RBM4: variants seen among roughly 807,000 people sequenced by gnomAD.
The protein encoded by RBM4 is RNA binding motif protein 4.
A neutral mutation model predicts 29.5 loss-of-function variants in RBM4; 7 were observed. That is an observed-to-expected ratio of 0.24 (90% CI 0.14 to 0.45). The LOEUF (loss-of-function observed/expected upper bound fraction) is 0.45. Among genes scored for constraint, RBM4 ranks in the 20% least tolerant of loss-of-function variants. The probability of loss-of-function intolerance (pLI) is 1.00; values close to 1 mark genes in which losing one functional copy is unlikely to be tolerated. For synonymous variants in RBM4, 220 were observed against 205.4 expected, an observed-to-expected ratio of 1.07 and a Z score of -0.61; for missense variants, 387 against 502.3, an observed-to-expected ratio of 0.77 and a Z score of 2.19.
intron 2 of RBM4, among the ~76,000 whole-genome samples, chr11:66,660,573 C>T (rs1181826624): frequency 6.6e-6 from 1 of 151,730 alleles, no homozygotes; most frequent in African/African-American, 2.4e-5. Flanking sequence ...AACTCCAGAC[C>T]TCAGGTGATC....
intron 2 of RBM4, among the ~76,000 whole-genome samples, chr11:66,642,494 A>G (rs1938510520): frequency 6.6e-6 from 1 of 152,230 alleles, no homozygotes; most frequent in Non-Finnish European, 1.5e-5. Context: ...CAGAAGTAAT[A>G]CTTTTCATTT....
At chr11:66,654,955 G>C (rs1176300898) in intron 2 of RBM4, among the ~76,000 whole-genome samples, 3 of 151,956 alleles carry the variant, frequency 2.0e-5, no homozygotes, top group African/African-American at 4.8e-5. Flanking sequence ...CTCCTGAGTA[G>C]CTAGGATTAC....
At chr11:66,664,586 G>C (rs1451916951) in intron 2 of RBM4, among the ~76,000 whole-genome samples, 1 of 151,914 alleles carries the variant, frequency 6.6e-6, no homozygotes, top group Non-Finnish European at 1.5e-5. Flanking sequence ...TCAGCCTCCT[G>C]AGTAGCTGGG....
chr11:66,644,389 A>G lies in RBM4; in HGVS notation c.*8+249A>G. ...ATTTGATTCTATTTGTGCCTAGAAA[A>G]ATAAAGAATGATGTGCTGGTGAATC... On this transcript the variant is annotated intron_variant, in intron 3 of 3. Coordinates refer to ENST00000310092, the MANE Select transcript of RBM4 (RefSeq NM_002896.4). 10 of 520,584 alleles carry G rather than the reference A, an allele frequency of 1.9e-5. No individual in the cohort carries two copies. The South Asian group carries it at 2.5e-4, about 13-fold the overall frequency. 32.2% of individuals were successfully genotyped at this position (520,584 alleles called of 1,614,324 possible). A position where few individuals can be genotyped will look rare whatever the true frequency, so the allele number is the denominator to read the frequency against.
intron 3 of RBM4, 95 bp from the exon 4 acceptor site, chr11:66,645,932 G>A (rs1193316875): frequency 6.5e-7 from 1 of 1,530,492 alleles, no homozygotes; most frequent in Admixed American, 2.0e-5. Flanking sequence ...TAAAAGGAGT[G>A]TCAAGTTATC....
chr11:66,648,324 C>T (rs1002835006), downstream of RBM4, among the ~76,000 whole-genome samples: 4 of 151,976 alleles, frequency 2.6e-5, no homozygotes, highest in Admixed American at 6.6e-5. Flanking sequence ...AGTTCAAGAC[C>T]AGCCTGGGCA....
At chr11:66,650,724 G>T (rs1021519346), downstream of RBM4, among the ~76,000 whole-genome samples, 15 of 143,658 alleles carry the variant, frequency 1.0e-4, no homozygotes, top group African/African-American at 3.6e-4. Flanking sequence ...TTAGCCGGGC[G>T]TGGTGGTGGG....
At chr11:66,647,864 A>G (rs550712094), downstream of RBM4, among the ~76,000 whole-genome samples, 2 of 152,328 alleles carry the variant, frequency 1.3e-5, no homozygotes, top group African/African-American at 4.8e-5. Context: ...CAGAAGTGAC[A>G]TGATAAACAT....
chr11:66,656,404 T>G (rs992405164), intron 2 of RBM4, among the ~76,000 whole-genome samples: 6 of 152,142 alleles, frequency 3.9e-5, no homozygotes, highest in African/African-American at 1.4e-4. Flanking sequence ...CCTCCCAAAG[T>G]GCTGGGATTA....
At chr11:66,639,644 TG>T in intron 1 of RBM4, 55 bp from the exon 2 acceptor site, 1 of 1,568,304 alleles carries the variant, frequency 6.4e-7, no homozygotes, top group Non-Finnish European at 8.7e-7. Flanking sequence ...CGTTGTCTTT[TG>T]TGAACGGATG....
At chr11:66,666,534 G>A (rs759719301) in exon 3 of RBM4, 9 of 761,362 alleles carry the variant, frequency 1.2e-5, no homozygotes, top group Non-Finnish European at 1.4e-5. Flanking sequence ...CTAAAAAGAG[G>A]TTAGTTGAAC....
Position 66,646,343 on chromosome 11 carries a change from G to A in RBM4, c.*325G>A. On this transcript the variant is annotated 3_prime_UTR_variant, in exon 4 of 4. Coordinates refer to ENST00000310092, the MANE Select transcript of RBM4 (RefSeq NM_002896.4). ...TCCCTGCCTCCTGCCTCCTGCGGCT[G>A]TTGGATTTGGGAATGACCTTGGTGA... 1 of 1,259,248 alleles carries A rather than the reference G, an allele frequency of 7.9e-7. No individual in the cohort carries two copies. The highest frequency in any genetic ancestry group is 1.0e-6 in the Non-Finnish European group (1 of 995,648). The allele number at this position is 1,259,248 out of a possible 1,614,324, so 78.0% of individuals were successfully genotyped here.
At chr11:66,658,337 CTTTTTTTT>C (rs35133059) in intron 2 of RBM4, among the ~76,000 whole-genome samples, 3 of 50,458 alleles carry the variant, frequency 5.9e-5, no homozygotes, top group Admixed American at 3.9e-4. Context: ...CTAGTCTGAC[CTTTTTTTT>C]TTTTTTTTTT....
chr11:66,654,722 T>C lies in RBM4; in HGVS notation c.413-11134T>C, dbSNP rs1312510751. ...TTTTAGAGGCAAGGTTTTCCCATTT[T>C]GCCCAGCCTAGTCTTGAACTCCTGC... is the stretch of plus-strand genomic sequence containing the variant. On this transcript the variant is annotated intron_variant, in intron 2 of 2. Coordinates refer to the RBM4 transcript ENST00000396053. Among the ~76,000 whole-genome samples, 7 of 150,700 alleles carry C rather than the reference T, an allele frequency of 4.6e-5. No individual in the cohort carries two copies. In the Admixed American group the frequency reaches 4.6e-4, roughly 10 times the overall value.
At chr11:66,650,882 T>TA (rs938246943), downstream of RBM4, among the ~76,000 whole-genome samples, 2 of 151,610 alleles carry the variant, frequency 1.3e-5, no homozygotes. Flanking sequence ...AAAATAATAA[T>TA]AATAAATTTA....
At chr11:66,644,713 C>T in intron 3 of RBM4, 3 of 975,836 alleles carry the variant, frequency 3.1e-6, no homozygotes, top group Non-Finnish European at 3.7e-6. Flanking sequence ...AACCGTTCAA[C>T]CCTTATGAGT....
intron 1 of RBM4, chr11:66,639,006 G>A (rs968415448): frequency 6.6e-6 from 1 of 151,998 alleles, no homozygotes; most frequent in South Asian, 2.1e-4. Context: ...ATTTCCACTG[G>A]GATAACCCCC....
At chr11:66,660,326 CT>C (rs201122159) in intron 2 of RBM4, among the ~76,000 whole-genome samples, 3 of 130,476 alleles carry the variant, frequency 2.3e-5, no homozygotes, top group African/African-American at 5.6e-5. Context: ...ATCACAATTT[CT>C]TTTTTTTTGA....
rs35133059 is a variant in RBM4, at chr11:66,658,337, CTTTTTTTTTTT to C, written c.413-7504_413-7494del. Among the ~76,000 whole-genome samples, 6 of 50,464 alleles carry C rather than the reference CTTTTTTTTTTT, an allele frequency of 1.2e-4. No individual in the cohort carries two copies. In the East Asian group the frequency reaches 2.8e-3, roughly 23 times the overall value. The allele number at this position is 50,464 out of a possible 152,430, so 33.1% of individuals were successfully genotyped here. On this transcript the variant is annotated intron_variant, in intron 2 of 2. Coordinates refer to the RBM4 transcript ENST00000396053. Reference sequence around the variant, plus strand: ...GCCACTGTGCCTGGCCTAGTCTGACCTTTTTTTTTTTTTTTTTTTTTTTTTCGTTTTGTTTT... The same window carrying C: ...GCCACTGTGCCTGGCCTAGTCTGACCTTTTTTTTTTTTTTCGTTTTGTTTT...
Sources: allele counts gnomAD v4.1 joint callset (sites outside exome capture counted in the v4.1 genomes callset), GRCh38; gene constraint gnomAD v4.1.1; transcripts MANE v1.5; gene names NCBI Gene and HGNC (gene_info 2026-07-23, HGNC 2026-07-21).